ATRNL1: variants seen among roughly 807,000 people sequenced by gnomAD.
ATRNL1 encodes attractin-like protein 1.
In ATRNL1, 95 loss-of-function variants were observed where a neutral mutation model predicts 182.7. The observed-to-expected ratio is 0.52, with a 90% CI of 0.44 to 0.62. The LOEUF is 0.62. Ranked by LOEUF, ATRNL1 falls within the 20% of genes least tolerant of loss-of-function variation. The probability of loss-of-function intolerance (pLI) is 0.00; values close to 1 mark genes in which losing one functional copy is unlikely to be tolerated. For synonymous variants in ATRNL1, 576 were observed against 568.3 expected (o/e 1.01, Z -0.19); for missense variants, 1,471 against 1,679.5 (o/e 0.88, Z 2.17).
chr10:115,373,069 A>G (rs1554948535), intron 19 of ATRNL1, among the ~76,000 whole-genome samples: 1 of 152,100 alleles, frequency 6.6e-6, no homozygotes, highest in Non-Finnish European at 1.5e-5. Flanking sequence ...AATTTTCAGT[A>G]TATAGGTCAT....
rs1238557656 is a variant in ATRNL1 at position 115,947,432 on chromosome 10, A to G, written c.*2653A>G. 2 of 152,590 alleles carry G rather than the reference A, an allele frequency of 1.3e-5. No homozygotes were observed. The highest frequency in any genetic ancestry group is 4.8e-5 in the African/African-American group (2 of 41,440). The allele number at this position is 152,590 out of a possible 1,614,324, so 9.5% of individuals were successfully genotyped here. On this transcript the variant is annotated 3_prime_UTR_variant, in exon 29 of 29. Transcript: ENST00000355044. ...TTTATTCTGCCAAGTATGAAAAAAA[A>G]ATGGTTAAATACAATGGAGTTTTAA...
At chr10:115,160,864 G>A (rs782272052) in intron 6 of ATRNL1, among the ~76,000 whole-genome samples, 2 of 151,882 alleles carry the variant, frequency 1.3e-5, no homozygotes, top group African/African-American at 4.8e-5. Flanking sequence ...TTCATATTAT[G>A]TAATAACTGG....
intron 25 of ATRNL1, among the ~76,000 whole-genome samples, chr10:115,521,228 A>G (rs1016086317): frequency 1.3e-5 from 2 of 151,830 alleles, no homozygotes; most frequent in African/African-American, 4.8e-5. Context: ...ATTTCGGCTC[A>G]CTGCAACCTT....
chr10:115,131,215 T>C (rs1391814019), intron 5 of ATRNL1, among the ~76,000 whole-genome samples: 2 of 152,064 alleles, frequency 1.3e-5, no homozygotes, highest in African/African-American at 4.8e-5. Flanking sequence ...GAACTACTTG[T>C]CTGTGTGTGT....
intron 27 of ATRNL1, among the ~76,000 whole-genome samples, chr10:115,838,312 G>A (rs932146174): frequency 5.9e-5 from 9 of 152,198 alleles, no homozygotes; most frequent in Admixed American, 2.0e-4. Context: ...ACTGTCAAGA[G>A]GATGTCTGTG....
intron 21 of ATRNL1, among the ~76,000 whole-genome samples, chr10:115,442,301 CTCTG>C (rs782516682): frequency 4.8e-3 from 496 of 102,618 alleles, no homozygotes; most frequent in South Asian, 9.5e-3. Flanking sequence ...CTCTCTCTCT[CTCTG>C]TGTGTATGTG....
chr10:115,716,252 C>A (rs76796804), intron 26 of ATRNL1, among the ~76,000 whole-genome samples: 7,858 of 152,092 alleles, frequency 0.052, 660 homozygotes, highest in African/African-American at 0.18. Flanking sequence ...TACTGGAGAA[C>A]CATTTTTTAG....
At chr10:115,539,119 A>C (rs1044485387) in intron 25 of ATRNL1, among the ~76,000 whole-genome samples, 2 of 152,226 alleles carry the variant, frequency 1.3e-5, no homozygotes, top group Non-Finnish European at 2.9e-5. Context: ...ACATATCCCC[A>C]TTAGTAAGTG....
At chr10:115,571,267 C>G (rs542728723) in intron 26 of ATRNL1, among the ~76,000 whole-genome samples, 1 of 152,098 alleles carries the variant, frequency 6.6e-6, no homozygotes, top group Non-Finnish European at 1.5e-5. Flanking sequence ...CAGACATAAA[C>G]GTGTGGAAAA....
intron 26 of ATRNL1, among the ~76,000 whole-genome samples, chr10:115,598,922 A>AG (rs34736548): frequency 6.6e-6 from 1 of 151,864 alleles, no homozygotes; most frequent in Non-Finnish European, 1.5e-5. Flanking sequence ...AGTTGTGAAT[A>AG]TTTTCTGTTA....
intron 24 of ATRNL1, among the ~76,000 whole-genome samples, chr10:115,506,230 T>C (rs1372486404): frequency 2.6e-5 from 4 of 152,126 alleles, no homozygotes; most frequent in Non-Finnish European, 4.4e-5. Flanking sequence ...TTCCCCATAA[T>C]TTGGAATTTT....
Position 115,266,988 on chromosome 10 carries a change from A to G in ATRNL1, c.1964A>G (p.Lys655Arg), listed in dbSNP as rs1554911011. The change falls in exon 12 of 29, where the codon AAG becomes AGG. Residue 655 changes from lysine (K) to arginine (R), a missense_variant. Lys to Arg is a conservative substitution (Grantham distance 26, BLOSUM62 2). Coordinates refer to ENST00000355044, the MANE Select transcript of ATRNL1 (RefSeq NM_207303.4). ...AATACTAATAATATTCTTAGAGCAA[A>G]GTGCCCTCCTAAAACAGGTAAATTT... ...SGNTNNILRAKCPPKTAASDD... is the reference protein window; with the variant it reads ...SGNTNNILRARCPPKTAASDD... 6.2e-7 allele frequency: 1 copy of G among 1,608,762 alleles called. No individual in the cohort carries two copies. Among genetic ancestry groups the G allele is most frequent in the Non-Finnish European group, 8.5e-7 (1 of 1,176,652 alleles).
chr10:115,664,118 C>T (rs35747935), intron 26 of ATRNL1, among the ~76,000 whole-genome samples: 338 of 152,236 alleles, frequency 2.2e-3, no homozygotes, highest in Non-Finnish European at 3.8e-3. Context: ...CTTCCTGGCC[C>T]CTTTGCCAGT....
chr10:115,137,146 C>T (rs782264372), intron 5 of ATRNL1, among the ~76,000 whole-genome samples: 8 of 152,060 alleles, frequency 5.3e-5, no homozygotes, highest in Non-Finnish European at 1.0e-4. Flanking sequence ...GAGCCAAGAT[C>T]GCACCATTGC....
intron 26 of ATRNL1, among the ~76,000 whole-genome samples, chr10:115,642,467 G>C (rs2133860169): frequency 6.7e-6 from 1 of 150,272 alleles, no homozygotes; most frequent in South Asian, 2.1e-4. Context: ...TTTTGAGATG[G>C]AGTTTTGCTC....
chr10:115,356,297 A>T (rs782608516), intron 19 of ATRNL1, among the ~76,000 whole-genome samples: 1 of 152,108 alleles, frequency 6.6e-6, no homozygotes, highest in African/African-American at 2.4e-5. Context: ...CTGCAGATAC[A>T]TGAAAATAGC....
In ATRNL1 at chr10:115,366,036, A is replaced by G. The variant is rs375634008; in HGVS notation, c.3176-28623A>G. Among the ~76,000 whole-genome samples, 9 of 152,076 alleles carry G rather than the reference A, an allele frequency of 5.9e-5. No individual in the cohort carries two copies. In the Middle Eastern group the frequency reaches 0.01, roughly 172 times the overall value. On this transcript the variant is annotated intron_variant, in intron 19 of 28. Transcript: ENST00000355044. ...AGTTCTGTAGATGTCTATTAGGTCCACTTGGTGCAGAGCTGAGTTCAATTC... is the reference window on the plus strand; with the variant it reads ...AGTTCTGTAGATGTCTATTAGGTCCGCTTGGTGCAGAGCTGAGTTCAATTC...
intron 19 of ATRNL1, among the ~76,000 whole-genome samples, chr10:115,343,883 T>G (rs1340582533): frequency 1.3e-5 from 2 of 152,204 alleles, no homozygotes; most frequent in African/African-American, 2.4e-5. Context: ...TACAAACTCA[T>G]AGAGGGACTG....
chr10:115,555,795 A>G (rs887598031), intron 26 of ATRNL1, among the ~76,000 whole-genome samples: 3 of 152,012 alleles, frequency 2.0e-5, no homozygotes, highest in African/African-American at 7.2e-5. Flanking sequence ...AAGAAGATTG[A>G]CTGTGTTATT....
Sources: gnomAD v4.1 joint callset for allele counts (sites outside exome capture counted in the v4.1 genomes callset) on GRCh38, gnomAD v4.1.1 for gene constraint, MANE v1.5 for transcripts, NCBI Gene and HGNC (gene_info 2026-07-23, HGNC 2026-07-21) for gene names.